The following PKNOX2 variants were observed in gnomAD, a reference collection of about 807,000 sequenced individuals.
PKNOX2 encodes the protein PBX/knotted 1 homeobox 2, also known as homeobox protein PKNOX2.
PKNOX2 carries 14 observed loss-of-function variants against 53.1 expected under a neutral mutation model. The ratio of observed to expected loss-of-function variants is 0.26; its 90% CI spans 0.17 to 0.41. The LOEUF (loss-of-function observed/expected upper bound fraction) is 0.41. Among genes scored for constraint, PKNOX2 ranks in the 10% least tolerant of loss-of-function variants. The probability of loss-of-function intolerance (pLI) is 1.00; values close to 1 mark genes in which losing one functional copy is unlikely to be tolerated. For synonymous variants in PKNOX2, 257 were observed against 242.8 expected (o/e 1.06, Z -0.54); for missense variants, 496 against 602.8 (o/e 0.82, Z 1.85).
intron 2 of PKNOX2, among the ~76,000 whole-genome samples, chr11:125,310,509 T>G (rs1253210156): frequency 6.6e-6 from 1 of 151,196 alleles, no homozygotes; most frequent in Non-Finnish European, 1.5e-5. Flanking sequence ...AAAAAAATAA[T>G]AAAAATAATA....
intron 2 of PKNOX2, among the ~76,000 whole-genome samples, chr11:125,325,624 G>A (rs1949782029): frequency 6.6e-6 from 1 of 152,224 alleles, no homozygotes; most frequent in South Asian, 2.1e-4. Flanking sequence ...GAAAGACTCA[G>A]TCTACGTCAT....
chr11:125,286,003 G>A (rs1295877059), intron 2 of PKNOX2, among the ~76,000 whole-genome samples: 1 of 152,178 alleles, frequency 6.6e-6, no homozygotes, highest in African/African-American at 2.4e-5. Flanking sequence ...CAGAAAGCCA[G>A]CTGTTAAATA....
chr11:125,290,880 A>G (rs111871904), intron 2 of PKNOX2, among the ~76,000 whole-genome samples: 16 of 152,072 alleles, frequency 1.1e-4, no homozygotes, highest in African/African-American at 3.4e-4. Flanking sequence ...GACAGAGCAG[A>G]GTGTCATATG....
At chr11:125,410,585 C>T in intron 8 of PKNOX2, 194 bp from the exon 9 acceptor site, 1 of 650,754 alleles carries the variant, frequency 1.5e-6, no homozygotes. Flanking sequence ...CGAAGCACCT[C>T]CCACCAGAGG....
chr11:125,282,359 C>T (rs1463978916), intron 2 of PKNOX2, among the ~76,000 whole-genome samples: 3 of 152,188 alleles, frequency 2.0e-5, no homozygotes, highest in African/African-American at 7.2e-5. Context: ...TGAGATAATA[C>T]TCATAAAGTG....
At chr11:125,194,735 T>A (rs1169197483) in intron 1 of PKNOX2, among the ~76,000 whole-genome samples, 1 of 152,190 alleles carries the variant, frequency 6.6e-6, no homozygotes, top group Non-Finnish European at 1.5e-5. Context: ...ATGTAAAATG[T>A]CATGAGTTAA....
At chr11:125,348,593 C>T (rs73618162) in intron 3 of PKNOX2, among the ~76,000 whole-genome samples, 11,746 of 152,238 alleles carry the variant, frequency 0.077, 1,390 homozygotes, top group African/African-American at 0.26. Context: ...GCCTCATGGG[C>T]GGTTGTCTCT....
chr11:125,183,415 A>T lies in PKNOX2; in HGVS notation c.-201+18639A>T, dbSNP rs1247902444. On this transcript the variant is annotated intron_variant, in intron 1 of 12. Transcript: ENST00000298282. Reference sequence around the variant, plus strand: ...GTATTTTTAGTAGAGACGGGGTTTCACCTTGTTAGCCAGGATGGTCTCGAT... The same window carrying T: ...GTATTTTTAGTAGAGACGGGGTTTCTCCTTGTTAGCCAGGATGGTCTCGAT... 3.6e-5 allele frequency among the ~76,000 whole-genome samples: 2 copies of T among 55,124 alleles called. 1 individual carries two copies. Among genetic ancestry groups the T allele is most frequent in the African/African-American group, 1.2e-4 (2 of 16,046 alleles). 36.2% of individuals were successfully genotyped at this position (55,124 alleles called of 152,430 possible).
intron 2 of PKNOX2, among the ~76,000 whole-genome samples, chr11:125,265,693 CCCCCA>C (rs1264462663): frequency 6.6e-6 from 1 of 152,180 alleles, no homozygotes; most frequent in East Asian, 1.9e-4. Context: ...CTCAGCTCAG[CCCCCA>C]CCCCAATGGT....
chr11:125,344,074 A>C (rs1950847515), intron 3 of PKNOX2, among the ~76,000 whole-genome samples: 1 of 152,130 alleles, frequency 6.6e-6, no homozygotes, highest in Admixed American at 6.5e-5. Flanking sequence ...GTCCCCAGAC[A>C]CTGCTTTATC....
At chr11:125,410,626 A>T (rs1462925589) in intron 8 of PKNOX2, 153 bp from the exon 9 acceptor site, 5 of 668,752 alleles carry the variant, frequency 7.5e-6, no homozygotes, top group Non-Finnish European at 1.3e-5. Flanking sequence ...ACCATCCCCC[A>T]CCCACCCATA....
intron 1 of PKNOX2, among the ~76,000 whole-genome samples, chr11:125,187,903 A>G (rs2135318167): frequency 2.0e-5 from 3 of 152,366 alleles, no homozygotes; most frequent in Middle Eastern, 6.8e-3. Context: ...CTGATGGAGA[A>G]TCATATTTGG....
At chr11:125,251,873 T>G (rs1223394750) in intron 2 of PKNOX2, among the ~76,000 whole-genome samples, 1 of 149,714 alleles carries the variant, frequency 6.7e-6, no homozygotes, top group East Asian at 1.9e-4. Flanking sequence ...TCAATCAAGT[T>G]TTTTTTTTTA....
chr11:125,216,810 T>C (rs1379890595), intron 1 of PKNOX2, among the ~76,000 whole-genome samples: 16 of 152,092 alleles, frequency 1.1e-4, no homozygotes, highest in Non-Finnish European at 1.8e-4. Flanking sequence ...ACAGAGCTGG[T>C]ACCACTGAGG....
At chr11:125,353,310 T>A (rs1951418363) in intron 4 of PKNOX2, among the ~76,000 whole-genome samples, 1 of 152,126 alleles carries the variant, frequency 6.6e-6, no homozygotes, top group Non-Finnish European at 1.5e-5. Context: ...GCCCCTTCCC[T>A]CTCACCCACC....
intron 1 of PKNOX2, among the ~76,000 whole-genome samples, chr11:125,205,548 C>A (rs1938991322): frequency 6.6e-6 from 1 of 152,178 alleles, no homozygotes; most frequent in South Asian, 2.1e-4. Context: ...TCAAAGCCAT[C>A]AGGTGACTCT....
At chr11:125,219,761 C>T (rs762299275) in intron 1 of PKNOX2, among the ~76,000 whole-genome samples, 5 of 152,322 alleles carry the variant, frequency 3.3e-5, no homozygotes, top group South Asian at 2.1e-4. Flanking sequence ...AATTTGATAT[C>T]GCATTCTATT....
chr11:125,412,800 T>A (rs1326287821), intron 10 of PKNOX2, among the ~76,000 whole-genome samples: 5 of 151,978 alleles, frequency 3.3e-5, no homozygotes, highest in Non-Finnish European at 7.4e-5. Flanking sequence ...GTGGGAAGAA[T>A]CAGGAGGAAG....
At chr11:125,323,950 T>A (rs2136076042) in intron 2 of PKNOX2, among the ~76,000 whole-genome samples, 1 of 152,262 alleles carries the variant, frequency 6.6e-6, no homozygotes, top group Admixed American at 6.5e-5. Context: ...ATTTCCTGCA[T>A]AAATTACTCC....
Sources: gnomAD v4.1 joint callset for allele counts (sites outside exome capture counted in the v4.1 genomes callset) on GRCh38, gnomAD v4.1.1 for gene constraint, MANE v1.5 for transcripts, NCBI Gene and HGNC (gene_info 2026-07-23, HGNC 2026-07-21) for gene names.